LRP2: variants seen among roughly 807,000 people sequenced by gnomAD.
The protein encoded by LRP2 is low-density lipoprotein receptor-related protein 2.
A neutral mutation model predicts 531.0 loss-of-function variants in LRP2; 172 were observed. That is an observed-to-expected ratio of 0.32 (90% CI 0.29 to 0.37). The LOEUF (loss-of-function observed/expected upper bound fraction) is 0.37, where lower values mean the gene tolerates loss of function less well. Among genes scored for constraint, LRP2 ranks in the 10% least tolerant of loss-of-function variants. LRP2 has a pLI of 1.00. For missense variants in LRP2, 5,167 were observed against 5,868.3 expected (o/e 0.88, Z 3.90); for synonymous variants, 1,992 against 2,027.6 (o/e 0.98, Z 0.47).
rs1267233543 is a variant in LRP2, at chr2:169,140,525, G to A, written c.13129C>T (p.Leu4377=). The change falls in exon 72 of 79, where the codon CTG becomes TTG. Residue 4377 remains leucine, a synonymous_variant. Coordinates refer to ENST00000649046, the MANE Select transcript of LRP2 (RefSeq NM_004525.3). ...TGCATGCACCTGCATGGGGGGGGCAGGTTGATAGGCAGTTCGATGGCTGCA... is the reference window on the plus strand; with the variant it reads ...TGCATGCACCTGCATGGGGGGGGCAAGTTGATAGGCAGTTCGATGGCTGCA... The part of the protein sequence containing the change: ...CDAAIELPIN[L]PPPCRCMHGG... The A allele has an allele frequency of 3.1e-6, 5 of 1,613,810 alleles. No individual in the cohort carries two copies. Among genetic ancestry groups the A allele is most frequent in the African/African-American group, 2.7e-5 (2 of 74,926 alleles).
chr2:169,203,348 GA>G (rs1350763549), intron 42 of LRP2, among the ~76,000 whole-genome samples: 5 of 152,192 alleles, frequency 3.3e-5, no homozygotes, highest in African/African-American at 1.2e-4. Context: ...CTCTTAAGCA[GA>G]AAATGTAAAT....
chr2:169,153,535 T>C (rs926597602), intron 66 of LRP2, among the ~76,000 whole-genome samples: 4 of 152,234 alleles, frequency 2.6e-5, no homozygotes, highest in Non-Finnish European at 4.4e-5. Context: ...AATACACCAA[T>C]AATAAATCCT....
intron 4 of LRP2, among the ~76,000 whole-genome samples, chr2:169,303,189 A>T (rs556029694): frequency 6.6e-6 from 1 of 152,086 alleles, no homozygotes; most frequent in Non-Finnish European, 1.5e-5. Context: ...TGTATATGTT[A>T]AAAAAAACCT....
In LRP2 at chr2:169,244,828, G is replaced by A. The variant is rs146463817; in HGVS notation, c.3295C>T (p.His1099Tyr). 54 of 1,614,148 alleles carry A rather than the reference G, an allele frequency of 3.3e-5. No homozygotes were observed. Among genetic ancestry groups the A allele is most frequent in the Non-Finnish European group, 4.5e-5 (53 of 1,180,054 alleles). Residue 1099 changes from histidine (H) to tyrosine (Y), a missense_variant, in exon 22 of 79, where the codon CAC becomes TAC. Coordinates refer to ENST00000649046, the MANE Select transcript of LRP2 (RefSeq NM_004525.3). ...RNDCVDGSDE[H>Y]NCPTHAPASC... The stretch of plus-strand genomic sequence containing the variant: ...GCAGGTGCGTGGGTGGGGCAGTTGT[G>A]CTCATCACTGCCATCCACACAGTCG...
chr2:169,323,768 T>C (rs1018610939), intron 1 of LRP2, among the ~76,000 whole-genome samples: 1 of 152,096 alleles, frequency 6.6e-6, no homozygotes, highest in Non-Finnish European at 1.5e-5. Context: ...AATCCAGTTT[T>C]AGCCAAGAAG....
rs770092551 is a variant in LRP2 at position 169,279,383 on chromosome 2, G to A, written c.1554C>T (p.Asp518=). The change falls in exon 12 of 79, where the codon GAC becomes GAT. Residue 518 remains aspartate, a synonymous_variant. Transcript: ENST00000649046. The stretch of plus-strand genomic sequence containing the variant: ...TTCACATCACTTACCCAACAGTTGG[G>A]TCCACGGCAATTCCTCTAGGATGCC... ...NLGHPRGIAV[D]PTVGYLFFSD... 3 of 1,613,166 alleles carry A rather than the reference G, an allele frequency of 1.9e-6. No homozygotes were observed. Among genetic ancestry groups the A allele is most frequent in the Admixed American group, 3.3e-5 (2 of 59,982 alleles).
rs562070618 is a variant in LRP2, at chr2:169,347,507, G to A, written c.79+14814C>T. Among the ~76,000 whole-genome samples, 8 of 151,858 alleles carry A rather than the reference G, an allele frequency of 5.3e-5. No homozygotes were observed. The East Asian group carries it at 1.6e-3, about 29-fold the overall frequency. On this transcript the variant is annotated intron_variant, in intron 1 of 78. Coordinates refer to ENST00000649046, the MANE Select transcript of LRP2 (RefSeq NM_004525.3). ...AACCTCTGAAAATTTATAGATGACT[G>A]CTGTCCCTAACGGAAGGTTAAAATT... is the stretch of plus-strand genomic sequence containing the variant.
intron 31 of LRP2, among the ~76,000 whole-genome samples, chr2:169,229,517 C>T (rs1195528677): frequency 6.6e-6 from 1 of 152,002 alleles, no homozygotes; most frequent in Non-Finnish European, 1.5e-5. Flanking sequence ...AGTCAGAAGT[C>T]TATTTGTATT....
At chr2:169,266,533 A>AT (rs1225691135) in intron 16 of LRP2, among the ~76,000 whole-genome samples, 1 of 152,258 alleles carries the variant, frequency 6.6e-6, no homozygotes, top group African/African-American at 2.4e-5. Flanking sequence ...TATGAACCGC[A>AT]TATTTTTCAG....
At chr2:169,279,318 G>T in intron 12 of LRP2, 54 bp downstream of exon 12, 1 of 1,308,308 alleles carries the variant, frequency 7.6e-7, no homozygotes, top group Non-Finnish European at 1.1e-6. Flanking sequence ...AGTGTATAGA[G>T]GGAGAGAGAA....
At chr2:169,216,208 C>T (rs375140322) in intron 35 of LRP2, 45 bp downstream of exon 35, 3 of 1,597,410 alleles carry the variant, frequency 1.9e-6, no homozygotes, top group South Asian at 1.1e-5. Context: ...GCATCAGCTA[C>T]ACCAGCTCAG....
In LRP2 at chr2:169,173,141, T is replaced by G; in HGVS notation, c.11098A>C (p.Asn3700His). Residue 3700 changes from asparagine to histidine, a missense_variant, in exon 57 of 79, where the codon AAT becomes CAT. Physicochemically the swap from Asn to His is moderately conservative, Grantham distance 68. This residue lies in a region of LRP2 where 311 missense variants were observed against 309.4 expected (regional missense o/e 1.01). Transcript: ENST00000649046. ...YRCIPKWAVC[N>H]GVDDCRDNSD... The stretch of plus-strand genomic sequence containing the variant: ...TTGTCCCTGCAGTCATCTACACCAT[T>G]GCACACGGCCCACTTTGGGATGCAG... 2.5e-6 allele frequency: 4 copies of G among 1,614,180 alleles called. No homozygotes were observed. Among genetic ancestry groups the G allele is most frequent in the Non-Finnish European group, 3.4e-6 (4 of 1,180,038 alleles).
chr2:169,231,644 G>T, intron 31 of LRP2, 70 bp downstream of exon 31: 1 of 1,602,232 alleles, frequency 6.2e-7, no homozygotes. Flanking sequence ...ATTGGTTTTA[G>T]AGTTTCCACT....
intron 1 of LRP2, among the ~76,000 whole-genome samples, chr2:169,338,370 AAG>A (rs1491328064): frequency 8.5e-6 from 1 of 117,776 alleles, no homozygotes; most frequent in Non-Finnish European, 1.7e-5. Flanking sequence ...GAAAGAAAGA[AAG>A]AAAGAAAGAA....
intron 77 of LRP2, among the ~76,000 whole-genome samples, chr2:169,131,383 A>T (rs1243101000): frequency 6.6e-6 from 1 of 152,120 alleles, no homozygotes; most frequent in African/African-American, 2.4e-5. Flanking sequence ...TTTTATTTTG[A>T]TTTAAATCAG....
At chr2:169,174,317 A>G (rs1687109072) in intron 55 of LRP2, among the ~76,000 whole-genome samples, 153 bp from the exon 56 acceptor site, 1 of 152,178 alleles carries the variant, frequency 6.6e-6, no homozygotes, top group South Asian at 2.1e-4. Context: ...TACATGGAGC[A>G]CTTCTTCTTT....
intron 29 of LRP2, among the ~76,000 whole-genome samples, chr2:169,234,346 T>C (rs1222280866): frequency 6.6e-6 from 1 of 152,138 alleles, no homozygotes; most frequent in African/African-American, 2.4e-5. Context: ...CCTCCCTGTG[T>C]CCATGTGTTC....
chr2:169,180,436 T>C (rs1687384698), intron 52 of LRP2, among the ~76,000 whole-genome samples: 1 of 152,226 alleles, frequency 6.6e-6, no homozygotes, highest in Non-Finnish European at 1.5e-5. Context: ...AATTCTGCAA[T>C]GAGAATGCTA....
intron 60 of LRP2, 79 bp from the exon 61 acceptor site, chr2:169,168,755 T>A (rs188222438): frequency 1.3e-6 from 2 of 1,510,508 alleles, no homozygotes; most frequent in Non-Finnish European, 9.2e-7. Context: ...ATTTCTCCTT[T>A]GGCTCTTGCC....
Sources: gnomAD v4.1 joint callset for allele counts (sites outside exome capture counted in the v4.1 genomes callset) on GRCh38, gnomAD v4.1.1 for gene constraint, gnomAD v4.1.1 regional missense constraint, MANE v1.5 for transcripts, NCBI Gene and HGNC (gene_info 2026-07-23, HGNC 2026-07-21) for gene names.